Variants in HERC2 observed in about 807,000 individuals in gnomAD.
HERC2 encodes the protein E3 ubiquitin-protein ligase HERC2.
In HERC2, 102 loss-of-function variants were observed where a neutral mutation model predicts 537.7. That is an observed-to-expected ratio of 0.19 (90% CI 0.16 to 0.22). The LOEUF (loss-of-function observed/expected upper bound fraction) is 0.22. Among genes scored for constraint, HERC2 ranks in the 10% least tolerant of loss-of-function variants. The pLI, the probability that HERC2 is intolerant of heterozygous loss-of-function variation, is 1.00. For synonymous variants in HERC2, 2,224 were observed against 2,466.2 expected, an observed-to-expected ratio of 0.90 and a Z score of 2.91; for missense variants, 4,236 against 6,198.2, an observed-to-expected ratio of 0.68 and a Z score of 10.63.
In HERC2 at chr15:28,125,013, G is replaced by A. The variant is rs958932258; in HGVS notation, c.12983C>T (p.Pro4328Leu). 3.7e-6 allele frequency: 6 copies of A among 1,600,226 alleles called. No homozygotes were observed. The highest frequency in any genetic ancestry group is 2.3e-5 in the East Asian group (1 of 44,390). Residue 4328 changes from proline to leucine, a missense_variant, in exon 84 of 93, where the codon CCT becomes CTT. Physicochemically the swap from Pro to Leu is moderately conservative, Grantham distance 98. This residue lies in a region of HERC2 where 189 missense variants were observed against 255.7 expected (regional missense o/e 0.74). Transcript: ENST00000261609. Reference protein sequence around the residue: ...TSKPASAGKLPAQVPMEYNHL... With the variant: ...TSKPASAGKLLAQVPMEYNHL... ...CAACCTGCCCGGACTCACCTGTGCA[G>A]GGAGTTTGCCAGCACTGGCGGGCTT...
At chr15:28,178,776 T>C (rs1895541076) in intron 59 of HERC2, 111 bp downstream of exon 59, 16 of 1,185,374 alleles carry the variant, frequency 1.3e-5, no homozygotes, top group East Asian at 2.5e-5. Context: ...TTTTTATTCC[T>C]ACTAAGTAAA....
At position 28,159,269 on chromosome 15, in the gene HERC2, T is replaced by C. The variant is rs569317007; in HGVS notation, c.10746+3825A>G. 1.1e-4 allele frequency among the ~76,000 whole-genome samples: 16 copies of C among 152,352 alleles called. No individual in the cohort carries two copies. In the South Asian group the frequency reaches 3.3e-3, roughly 32 times the overall value. On this transcript the variant is annotated intron_variant, in intron 69 of 92. Coordinates refer to ENST00000261609, the MANE Select transcript of HERC2 (RefSeq NM_004667.6). ...TGTGGCATTCTCTGTACTTCCTGAA[T>C]TTTAATGTTGGCCTGCCTTGCTAGA...
intron 55 of HERC2, among the ~76,000 whole-genome samples, 175 bp from the exon 56 acceptor site, chr15:28,186,927 G>A (rs1467696734): frequency 6.6e-6 from 1 of 152,160 alleles, no homozygotes; most frequent in Non-Finnish European, 1.5e-5. Flanking sequence ...TCTGAGTAAT[G>A]TTTACTTCAA....
Position 28,177,249 on chromosome 15 carries a change from C to T in HERC2, c.9255-122G>A, listed in dbSNP as rs1267317083. 1.6e-6 allele frequency: 2 copies of T among 1,273,972 alleles called. No individual in the cohort carries two copies. Among genetic ancestry groups the T allele is most frequent in the Non-Finnish European group, 2.2e-6 (2 of 915,548 alleles). 78.9% of individuals were successfully genotyped at this position (1,273,972 alleles called of 1,614,324 possible). A position where few individuals can be genotyped will look rare whatever the true frequency, so the allele number is the denominator to read the frequency against. ...AGGATCCACAGATCAACTATCAAAA[C>T]TTAAAGCAGAACCGGTGAGACCAAA... On this transcript the variant is annotated intron_variant, in intron 60 of 92. Transcript: ENST00000261609. This position sits in a 1 kb window ranked among gnomAD's most constrained non-coding sequence, Gnocchi z 5.0.
intron 22 of HERC2, among the ~76,000 whole-genome samples, 177 bp from the exon 23 acceptor site, chr15:28,246,243 C>A (rs1350000069): frequency 6.6e-6 from 1 of 151,978 alleles, no homozygotes; most frequent in Non-Finnish European, 1.5e-5. Context: ...TTAAACAGAA[C>A]CCTTTAAATT....
At chr15:28,133,648 T>C (rs1008619547) in intron 79 of HERC2, among the ~76,000 whole-genome samples, 3 of 152,234 alleles carry the variant, frequency 2.0e-5, no homozygotes, top group Non-Finnish European at 4.4e-5. Context: ...GAATTTAAGT[T>C]CATTTCTTGC....
chr15:28,261,103 T>C (rs2075403639), intron 15 of HERC2, 133 bp from the exon 16 acceptor site: 1 of 648,240 alleles, frequency 1.5e-6, no homozygotes. Context: ...TGCTTTAATA[T>C]TAAGCACAAT....
Position 28,284,924 on chromosome 15 carries a change from A to G in HERC2, c.323-4637T>C, listed in dbSNP as rs1484660435. Among the ~76,000 whole-genome samples, 834 of 141,078 alleles carry G rather than the reference A, an allele frequency of 5.9e-3. 7 individuals are homozygous for G. Among genetic ancestry groups the G allele is most frequent in the African/African-American group, 0.022 (760 of 34,512 alleles). The allele number at this position is 141,078 out of a possible 152,430, so 92.6% of individuals were successfully genotyped here. On this transcript the variant is annotated intron_variant, in intron 4 of 92. Coordinates refer to ENST00000261609, the MANE Select transcript of HERC2 (RefSeq NM_004667.6). ...AGGAGCGAAACTCCGTCTCGGAAAA[A>G]AAAAAAAAAAAAAAAAAAAAAAAAA... is the stretch of plus-strand genomic sequence containing the variant.
At chr15:28,314,337 C>T (rs1200289685) in intron 2 of HERC2, among the ~76,000 whole-genome samples, 2 of 152,108 alleles carry the variant, frequency 1.3e-5, no homozygotes, top group Non-Finnish European at 2.9e-5. Flanking sequence ...ACACTCTGCT[C>T]AGCAGATGTC....
chr15:28,307,927 G>C (rs2076836587), intron 2 of HERC2, among the ~76,000 whole-genome samples: 2 of 152,164 alleles, frequency 1.3e-5, no homozygotes, highest in South Asian at 2.1e-4. Context: ...TTTTATGCTA[G>C]TACTATGCTG....
intron 35 of HERC2, among the ~76,000 whole-genome samples, chr15:28,225,029 C>G (rs1443004344): frequency 6.6e-6 from 1 of 152,226 alleles, no homozygotes; most frequent in African/African-American, 2.4e-5. Context: ...TCTGCATTTA[C>G]AAAAGATGAT....
chr15:28,186,510 C>T, intron 56 of HERC2, 67 bp downstream of exon 56: 1 of 1,311,616 alleles, frequency 7.6e-7, no homozygotes, highest in Non-Finnish European at 1.1e-6. Context: ...TAAATGTTTC[C>T]TTTCGAAAGT....
At chr15:28,118,876 G>A (rs930126870) in intron 86 of HERC2, among the ~76,000 whole-genome samples, 1 of 152,234 alleles carries the variant, frequency 6.6e-6, no homozygotes, top group African/African-American at 2.4e-5. Context: ...GAACGGGAAG[G>A]AGCCACCTCT....
In HERC2 at chr15:28,245,920, G is replaced by A. The variant is rs555428725; in HGVS notation, c.3538C>T (p.Arg1180Trp). 7 of 1,613,976 alleles carry A rather than the reference G, an allele frequency of 4.3e-6. No individual in the cohort carries two copies. In the African/African-American group the frequency reaches 5.3e-5, roughly 12 times the overall value. ...CAGGCTAACTCTTCATGATCATCCC[G>A]TTCCTTTCCTGGTGCCAGATGGTTG... Reference protein sequence around the residue: ...RFNHLAPGKERDDHEELAWPG... With the variant: ...RFNHLAPGKEWDDHEELAWPG... The change falls in exon 23 of 93, where the codon CGG becomes TGG. Residue 1180 changes from arginine (R) to tryptophan (W), a missense_variant. By Grantham distance (101) the Arg-to-Trp change is moderately radical. Coordinates refer to ENST00000261609, the MANE Select transcript of HERC2 (RefSeq NM_004667.6).
intron 2 of HERC2, among the ~76,000 whole-genome samples, chr15:28,310,258 C>T (rs1349296373): frequency 6.6e-6 from 1 of 152,140 alleles, no homozygotes; most frequent in African/African-American, 2.4e-5. Flanking sequence ...CCAGCCTGAA[C>T]AACATGGCAA....
In HERC2 at chr15:28,222,672, C is replaced by T. The variant is rs181995476; in HGVS notation, c.5465-457G>A. On this transcript the variant is annotated intron_variant, in intron 35 of 92. Coordinates refer to ENST00000261609, the MANE Select transcript of HERC2 (RefSeq NM_004667.6). Reference sequence around the variant, plus strand: ...GACAGGGTTGCTGCAGGCTGGCCCTCGGCTGGAGTCTGGATCTCAGGAGGG... The same window carrying T: ...GACAGGGTTGCTGCAGGCTGGCCCTTGGCTGGAGTCTGGATCTCAGGAGGG... Among the ~76,000 whole-genome samples, 28 of 152,236 alleles carry T rather than the reference C, an allele frequency of 1.8e-4. 1 individual carries two copies. The East Asian group carries it at 3.9e-3, about 21-fold the overall frequency.
intron 69 of HERC2, among the ~76,000 whole-genome samples, chr15:28,158,971 G>T (rs937420453): frequency 8.5e-5 from 13 of 152,054 alleles, no homozygotes; most frequent in Admixed American, 7.2e-4. Context: ...GTCTGTAAAG[G>T]ATTTTATTTC....
intron 86 of HERC2, chr15:28,117,609 A>C (rs1469884791): frequency 2.2e-6 from 1 of 456,112 alleles, no homozygotes; most frequent in East Asian, 6.8e-5. Context: ...CCCGGCACTC[A>C]AAGATTCAAC....
At chr15:28,238,798 T>C (rs761193568) in intron 23 of HERC2, 26 bp from the exon 24 acceptor site, 44 of 1,526,780 alleles carry the variant, frequency 2.9e-5, no homozygotes, top group Non-Finnish European at 3.5e-5. Flanking sequence ...CCAGAATCAG[T>C]CCATTGATCA....
Sources: allele counts gnomAD v4.1 joint callset (sites outside exome capture counted in the v4.1 genomes callset), GRCh38; gene constraint gnomAD v4.1.1; regional missense constraint gnomAD v4.1.1; non-coding constraint Gnocchi (gnomAD v3.1); transcripts MANE v1.5; gene names NCBI Gene and HGNC (gene_info 2026-07-23, HGNC 2026-07-21).